Variants in BCL2L1 observed in about 807,000 individuals in gnomAD.
The protein encoded by BCL2L1 is bcl-2-like protein 1.
In BCL2L1, 1 loss-of-function variant was observed where a neutral mutation model predicts 18.7. The ratio of observed to expected loss-of-function variants is 0.05; its 90% CI spans 0.02 to 0.25. The LOEUF (loss-of-function observed/expected upper bound fraction) is 0.25. Ranked by LOEUF, BCL2L1 falls within the 10% of genes least tolerant of loss-of-function variation. The pLI, the probability that BCL2L1 is intolerant of heterozygous loss-of-function variation, is 1.00. For missense variants in BCL2L1, 207 were observed against 304.9 expected (o/e 0.68, Z 2.39); for synonymous variants, 103 against 122.7 (o/e 0.84, Z 1.06).
At chr20:31,723,750 G>A (rs914272905), upstream of BCL2L1, 19 of 985,312 alleles carry the variant, frequency 1.9e-5, no homozygotes, top group Non-Finnish European at 2.0e-5. Context: ...AGCCCCGCGA[G>A]CCGTGGGGGG....
At chr20:31,668,323 G>GT (rs113731693) in intron 2 of BCL2L1, among the ~76,000 whole-genome samples, 11,469 of 143,296 alleles carry the variant, frequency 0.08, 461 homozygotes, top group Middle Eastern at 0.12. Flanking sequence ...TTTCTTCTCA[G>GT]TTTTTTTTTT....
At chr20:31,666,107 G>A (rs2060583230) in intron 2 of BCL2L1, 21 bp from the exon 3 acceptor site, 2 of 1,613,530 alleles carry the variant, frequency 1.2e-6, no homozygotes, top group Non-Finnish European at 1.7e-6. Flanking sequence ...AGAGAAGGAA[G>A]GTGCAGTTTT....
At position 31,721,953 on chromosome 20, in the gene BCL2L1, G is replaced by C; in HGVS notation, c.266C>G (p.Ala89Gly). ...EVIPMAAVKQ[A>G]LREAGDEFEL... is the part of the protein sequence containing the mutation. ...AAACTCGTCGCCTGCCTCCCTCAGC[G>C]CTTGCTTTACTGCTGCCATGGGGAT... Residue 89 changes from alanine to glycine, a missense_variant, in exon 2 of 3, where the codon GCG (alanine) becomes GGG (glycine). Physicochemically the swap from Ala to Gly is moderately conservative, Grantham distance 60. Coordinates refer to ENST00000307677, the MANE Select transcript of BCL2L1 (RefSeq NM_138578.3). The C allele has an allele frequency of 1.2e-6, 2 of 1,614,144 alleles. No homozygotes were observed. Among genetic ancestry groups the C allele is most frequent in the Non-Finnish European group, 1.7e-6 (2 of 1,180,018 alleles).
chr20:31,685,731 C>CT (rs1171089452), intron 2 of BCL2L1, among the ~76,000 whole-genome samples: 15 of 151,464 alleles, frequency 9.9e-5, no homozygotes, highest in African/African-American at 2.9e-4. Context: ...TCTCCGGGCC[C>CT]TTTTTTTTTC....
At chr20:31,680,307 A>G (rs79069701) in intron 2 of BCL2L1, among the ~76,000 whole-genome samples, 2 of 152,274 alleles carry the variant, frequency 1.3e-5, no homozygotes, top group East Asian at 1.9e-4. Context: ...CACCTACCCA[A>G]TATTTACTGA....
At chr20:31,721,444 G>A in intron 2 of BCL2L1, 1 of 580,660 alleles carries the variant, frequency 1.7e-6, no homozygotes, top group Non-Finnish European at 2.9e-6. Context: ...GGGGTGACCA[G>A]GGTGAAAGAT....
At chr20:31,722,419 G>T (rs888224191) in intron 1 of BCL2L1, 71 bp from the exon 2 acceptor site, 8 of 430,036 alleles carry the variant, frequency 1.9e-5, no homozygotes, top group African/African-American at 1.6e-4. Flanking sequence ...CCAGGTACCA[G>T]AACTGGTTTC....
At chr20:31,667,979 C>G (rs2060612016) in intron 2 of BCL2L1, among the ~76,000 whole-genome samples, 1 of 152,118 alleles carries the variant, frequency 6.6e-6, no homozygotes, top group Non-Finnish European at 1.5e-5. Context: ...TCCATCACAC[C>G]TGAAATAAAG....
At chr20:31,684,704 C>T (rs1016832795) in intron 2 of BCL2L1, among the ~76,000 whole-genome samples, 6 of 152,170 alleles carry the variant, frequency 3.9e-5, no homozygotes, top group Admixed American at 1.3e-4. Flanking sequence ...TATGAGCCCT[C>T]GGGGATCCAA....
At chr20:31,677,948 G>T (rs1340462717) in intron 2 of BCL2L1, among the ~76,000 whole-genome samples, 4 of 152,204 alleles carry the variant, frequency 2.6e-5, no homozygotes, top group Non-Finnish European at 5.9e-5. Context: ...AGAAAGGCCA[G>T]TTCCCACTCT....
intron 2 of BCL2L1, among the ~76,000 whole-genome samples, chr20:31,690,258 AT>A (rs879838208): frequency 4.5e-4 from 65 of 146,028 alleles, no homozygotes; most frequent in East Asian, 1.6e-3. Flanking sequence ...CAAATGACTA[AT>A]TTTTTTTTTT....
At chr20:31,668,613 T>G (rs564465013) in intron 2 of BCL2L1, among the ~76,000 whole-genome samples, 1 of 150,948 alleles carries the variant, frequency 6.6e-6, no homozygotes, top group African/African-American at 2.4e-5. Flanking sequence ...CTTTTTTTTT[T>G]TTTTTTTGGA....
chr20:31,687,603 G>C (rs2060981899), intron 2 of BCL2L1, among the ~76,000 whole-genome samples: 1 of 151,360 alleles, frequency 6.6e-6, no homozygotes, highest in African/African-American at 2.4e-5. Context: ...CTTGAACCCG[G>C]GAGTCGGAGG....
chr20:31,717,305 TAAC>T (rs1282680415), intron 2 of BCL2L1, among the ~76,000 whole-genome samples: 3 of 152,208 alleles, frequency 2.0e-5, no homozygotes, highest in Admixed American at 1.3e-4. Context: ...GGGACAGAGA[TAAC>T]AACTGCTGTT....
chr20:31,721,571 CAGAA>C (rs1368499633), intron 2 of BCL2L1, 80 bp downstream of exon 2: 2 of 1,464,398 alleles, frequency 1.4e-6, no homozygotes, highest in African/African-American at 1.4e-5. Context: ...CCCAACACAA[CAGAA>C]AGAGATACAG....
chr20:31,702,526 T>G (rs1003712750), intron 2 of BCL2L1, among the ~76,000 whole-genome samples: 1 of 151,972 alleles, frequency 6.6e-6, no homozygotes, highest in Non-Finnish European at 1.5e-5. Context: ...TTATTTTTAT[T>G]TTTTGAGATG....
chr20:31,670,837 G>A (rs1405838260), intron 2 of BCL2L1, among the ~76,000 whole-genome samples: 1 of 152,168 alleles, frequency 6.6e-6, no homozygotes, highest in Non-Finnish European at 1.5e-5. Flanking sequence ...GACACACTTG[G>A]AAATAAACAG....
upstream of BCL2L1, chr20:31,723,727 G>A (rs1207114627): frequency 1.2e-5 from 12 of 985,342 alleles, no homozygotes; most frequent in South Asian, 2.3e-4. Flanking sequence ...GGGAGGCGGC[G>A]CTCTCACCTG....
chr20:31,687,519 C>CA lies in BCL2L1; in HGVS notation c.565-21434dup, dbSNP rs373387869. The stretch of plus-strand genomic sequence containing the variant: ...TGAAACCCCTTCTCTACTAAAAATA[C>CA]AAAAAAAAATAGCCGGGTGTGGTGG... On this transcript the variant is annotated intron_variant, in intron 2 of 2. Coordinates refer to ENST00000307677, the MANE Select transcript of BCL2L1 (RefSeq NM_138578.3). Among the ~76,000 whole-genome samples the CA allele has an allele frequency of 2.4e-3, 352 of 148,530 alleles. 4 individuals are homozygous for CA. The highest frequency in any genetic ancestry group is 8.1e-3 in the African/African-American group (328 of 40,512).
Sources: gnomAD v4.1 joint callset for allele counts (sites outside exome capture counted in the v4.1 genomes callset) on GRCh38, gnomAD v4.1.1 for gene constraint, MANE v1.5 for transcripts, NCBI Gene and HGNC (gene_info 2026-07-23, HGNC 2026-07-21) for gene names.